The following EPHB1 variants were observed in gnomAD, a reference collection of about 807,000 sequenced individuals.
EPHB1 encodes the protein ephrin type-B receptor 1.
EPHB1 carries 30 observed loss-of-function variants against 94.4 expected under a neutral mutation model. That is an observed-to-expected ratio of 0.32 (90% confidence interval 0.24 to 0.43). The LOEUF is 0.43. EPHB1 is among the 20% of genes least tolerant of loss of function. The pLI is 1.00. For synonymous variants in EPHB1, 522 were observed against 489.1 expected, an observed-to-expected ratio of 1.07 and a Z score of -0.89; for missense variants, 1,055 against 1,308.3, an observed-to-expected ratio of 0.81 and a Z score of 2.99.
At chr3:134,913,560 T>C (rs964375209) in intron 1 of EPHB1, among the ~76,000 whole-genome samples, 6 of 152,172 alleles carry the variant, frequency 3.9e-5, no homozygotes, top group African/African-American at 1.4e-4. Context: ...GAGGAAAGAC[T>C]ATAGTCTTAA....
intron 15 of EPHB1, 91 bp from the exon 16 acceptor site, chr3:135,258,921 T>C: frequency 8.8e-7 from 1 of 1,140,186 alleles, no homozygotes; most frequent in South Asian, 1.4e-5. Context: ...GCATGGCTAC[T>C]TCCCAAGAAC....
intron 12 of EPHB1, among the ~76,000 whole-genome samples, chr3:135,227,621 AT>A (rs1943433266): frequency 6.6e-6 from 1 of 152,150 alleles, no homozygotes; most frequent in Non-Finnish European, 1.5e-5. Context: ...ATGCTATGTT[AT>A]TTCAAACAAC....
intron 3 of EPHB1, among the ~76,000 whole-genome samples, chr3:134,963,549 G>A (rs1353521337): frequency 1.3e-5 from 2 of 152,108 alleles, no homozygotes; most frequent in South Asian, 2.1e-4. Flanking sequence ...TGTGCTAGAT[G>A]CTCTGCCAAA....
chr3:135,133,146 T>C, intron 5 of EPHB1, 97 bp downstream of exon 5: 1 of 1,224,062 alleles, frequency 8.2e-7, no homozygotes, highest in Non-Finnish European at 1.1e-6. Flanking sequence ...CCTGCCCGTG[T>C]ACTGTCAGGC....
rs370777854 is a variant in EPHB1 at position 135,114,585 on chromosome 3, G to A, written c.961+7982G>A. Among the ~76,000 whole-genome samples the A allele has an allele frequency of 5.7e-4, 84 of 148,538 alleles. 2 individuals carry two copies. The South Asian group carries it at 0.014, about 25-fold the overall frequency. On this transcript the variant is annotated intron_variant, in intron 4 of 15. Transcript: ENST00000398015. ...AAAAAAATACAAAAATTAGCCGGGC[G>A]TGGTGGCATGTTCCTGTAGTCCCAG...
chr3:135,198,749 C>T (rs748245932), intron 11 of EPHB1, among the ~76,000 whole-genome samples: 11 of 152,220 alleles, frequency 7.2e-5, no homozygotes, highest in Admixed American at 4.6e-4. Flanking sequence ...TCTTAGGATA[C>T]ACAAGGCACT....
rs1578124672 is a variant in EPHB1, at chr3:134,835,244, A to C, written c.58+39555A>C. On this transcript the variant is annotated intron_variant, in intron 1 of 15. Coordinates refer to ENST00000398015, the MANE Select transcript of EPHB1 (RefSeq NM_004441.5). ...GAGAAATGCTGGCATGCACCATTGG[A>C]GGTGGTGGAAACTCCAGAGAAACAA... 3.3e-5 allele frequency among the ~76,000 whole-genome samples: 5 copies of C among 152,288 alleles called. 1 individual carries two copies. Among genetic ancestry groups the C allele is most frequent in the African/African-American group, 1.2e-4 (5 of 41,562 alleles).
rs969379264 is a variant in EPHB1 at position 135,241,741 on chromosome 3, T to C, written c.2496+444T>C. On this transcript the variant is annotated intron_variant, in intron 13 of 15. Transcript: ENST00000398015. ...TCTGCCTCTGACGGCTATGCTCCAT[T>C]GAGCCAGTCGCAGTTTCTGTGTGGG... Among the ~76,000 whole-genome samples the C allele has an allele frequency of 2.6e-5, 4 of 152,224 alleles. 1 individual carries two copies. Among genetic ancestry groups the C allele is most frequent in the Admixed American group, 6.5e-5 (1 of 15,284 alleles).
At chr3:134,822,759 A>G (rs1349077273) in intron 1 of EPHB1, among the ~76,000 whole-genome samples, 1 of 152,146 alleles carries the variant, frequency 6.6e-6, no homozygotes, top group Non-Finnish European at 1.5e-5. Context: ...TTGCAGTTAA[A>G]TTTAAATTTT....
intron 12 of EPHB1, among the ~76,000 whole-genome samples, chr3:135,203,031 T>C (rs1942798413): frequency 6.6e-6 from 1 of 152,220 alleles, no homozygotes; most frequent in African/African-American, 2.4e-5. Context: ...TGGAATACTA[T>C]GCAGCCATAT....
intron 1 of EPHB1, among the ~76,000 whole-genome samples, chr3:134,809,229 G>C (rs368395335): frequency 2.0e-5 from 3 of 152,164 alleles, no homozygotes; most frequent in East Asian, 1.9e-4. Context: ...TTCATACCTT[G>C]GATATCTCTT....
chr3:134,803,165 C>G (rs551958394), intron 1 of EPHB1, among the ~76,000 whole-genome samples: 78 of 152,298 alleles, frequency 5.1e-4, no homozygotes, highest in African/African-American at 1.7e-3. Context: ...CTGAGAATTA[C>G]CAGGACTCAT....
At chr3:135,151,970 T>G (rs1216969424) in intron 5 of EPHB1, among the ~76,000 whole-genome samples, 3 of 152,224 alleles carry the variant, frequency 2.0e-5, no homozygotes, top group African/African-American at 7.2e-5. Context: ...TCGGTCATAT[T>G]AATAGATATA....
intron 2 of EPHB1, among the ~76,000 whole-genome samples, chr3:134,933,891 G>A (rs923890118): frequency 1.3e-5 from 2 of 152,096 alleles, no homozygotes; most frequent in African/African-American, 2.4e-5. Context: ...AGAGACATGG[G>A]TGGTGTCCTT....
intron 4 of EPHB1, among the ~76,000 whole-genome samples, chr3:135,128,795 G>A (rs554893022): frequency 6.6e-5 from 10 of 152,226 alleles, no homozygotes; most frequent in East Asian, 3.9e-4. Context: ...TATTAGTTAC[G>A]GGAGTAAATG....
chr3:135,098,545 C>T (rs1177827087), intron 3 of EPHB1, among the ~76,000 whole-genome samples: 1 of 152,064 alleles, frequency 6.6e-6, no homozygotes, highest in African/African-American at 2.4e-5. Context: ...TTCTTTCTTT[C>T]TTCCCTATTA....
At chr3:135,081,784 G>A (rs945379149) in intron 3 of EPHB1, among the ~76,000 whole-genome samples, 3 of 152,134 alleles carry the variant, frequency 2.0e-5, no homozygotes, top group African/African-American at 7.2e-5. Context: ...TCATGTGGAT[G>A]TGACCCCTTC....
chr3:134,851,800 A>C (rs1251285961), intron 1 of EPHB1, among the ~76,000 whole-genome samples: 1 of 152,242 alleles, frequency 6.6e-6, no homozygotes, highest in African/African-American at 2.4e-5. Context: ...GCTGAAAACC[A>C]TAAAATGGTG....
Position 135,192,580 on chromosome 3 carries a change from G to A in EPHB1, c.1887G>A (p.Glu629=). The A allele has an allele frequency of 6.2e-7, 1 of 1,613,644 alleles. No homozygotes were observed. The highest frequency in any genetic ancestry group is 8.5e-7 in the Non-Finnish European group (1 of 1,179,648). ...VKIEEVIGAG[E]FGEVYKGRLK... Reference sequence around the variant, plus strand: ...ATGGCATTTTTGCTGTTGCAGGGGAGTTTGGAGAAGTGTACAAGGGGCGTT... The same window carrying A: ...ATGGCATTTTTGCTGTTGCAGGGGAATTTGGAGAAGTGTACAAGGGGCGTT... The change falls in exon 11 of 16, where the codon GAG becomes GAA. Residue 629 remains glutamate, a synonymous_variant. Transcript: ENST00000398015.
Sources: allele counts gnomAD v4.1 joint callset (sites outside exome capture counted in the v4.1 genomes callset), GRCh38; gene constraint gnomAD v4.1.1; transcripts MANE v1.5; gene names NCBI Gene and HGNC (gene_info 2026-07-23, HGNC 2026-07-21).